Variants in KIF7 observed in about 807,000 individuals in gnomAD.
The protein encoded by KIF7 is kinesin family member 7, also known as kinesin-like protein KIF7.
In KIF7, 104 loss-of-function variants were observed where a neutral mutation model predicts 135.7. The ratio of observed to expected loss-of-function variants is 0.77; its 90% CI spans 0.65 to 0.90. KIF7 has a LOEUF of 0.90. KIF7 is among the 40% of genes least tolerant of loss of function. The pLI is 0.00. For missense variants in KIF7, 2,005 were observed against 1,839.1 expected (o/e 1.09, Z -1.65); for synonymous variants, 883 against 809.4 (o/e 1.09, Z -1.54).
At chr15:89,653,919 A>G (rs1964165352) in intron 1 of KIF7, among the ~76,000 whole-genome samples, 1 of 152,098 alleles carries the variant, frequency 6.6e-6, no homozygotes, top group African/African-American at 2.4e-5. Context: ...TGCAAATGCA[A>G]TTATTTCACT....
chr15:89,617,343 T>C (rs376473500), intron 2 of KIF7, among the ~76,000 whole-genome samples: 1 of 152,230 alleles, frequency 6.6e-6, no homozygotes, highest in African/African-American at 2.4e-5. Context: ...AAATTTTTTA[T>C]AACATCCTTG....
chr15:89,621,825 G>A (rs1963429817), intron 1 of KIF7, among the ~76,000 whole-genome samples: 1 of 152,036 alleles, frequency 6.6e-6, no homozygotes, highest in Non-Finnish European at 1.5e-5. Context: ...ATTATATACT[G>A]CACAGATACC....
downstream of KIF7, chr15:89,627,422 A>G (rs1165803582): frequency 1.4e-5 from 4 of 282,148 alleles, no homozygotes; most frequent in Admixed American, 9.5e-5. Context: ...TCATTTATGC[A>G]AATGGAGAAA....
At chr15:89,620,688 T>A (rs1963409215) in intron 1 of KIF7, among the ~76,000 whole-genome samples, 1 of 152,160 alleles carries the variant, frequency 6.6e-6, no homozygotes, top group Non-Finnish European at 1.5e-5. Flanking sequence ...TTCTTTCTTT[T>A]ATGAACTGGC....
intron 12 of KIF7, 150 bp from the exon 13 acceptor site, chr15:89,633,416 G>A (rs933071624): frequency 1.0e-5 from 11 of 1,104,686 alleles, no homozygotes; most frequent in Non-Finnish European, 1.4e-5. Context: ...AAATCTCCCT[G>A]GAGACCGGCA....
chr15:89,649,326 C>G lies in KIF7; in HGVS notation c.571G>C (p.Glu191Gln). The change falls in exon 4 of 19, where the codon GAG (glutamate) becomes CAG (glutamine). Residue 191 changes from glutamate (E) to glutamine (Q), a missense_variant. Glu to Gln is a conservative substitution (Grantham distance 29). Transcript: ENST00000394412. ...CCCATCTCCAGGAGGCTCAGCACCTCATCCAGGCCCTCCACGTCGACCTCC... is the reference window on the plus strand; with the variant it reads ...CCCATCTCCAGGAGGCTCAGCACCTGATCCAGGCCCTCCACGTCGACCTCC... The part of the protein sequence containing the change: ...VKEVDVEGLD[E>Q]VLSLLEMGNA... The G allele has an allele frequency of 1.4e-6, 2 of 1,472,288 alleles. No homozygotes were observed. Among genetic ancestry groups the G allele is most frequent in the Non-Finnish European group, 1.8e-6 (2 of 1,106,994 alleles). 91.2% of individuals were successfully genotyped at this position (1,472,288 alleles called of 1,614,324 possible).
At position 89,633,754 on chromosome 15, in the gene KIF7, G is replaced by A. The variant is rs767869939; in HGVS notation, c.2524C>T (p.Leu842Phe). The change falls in exon 12 of 19, where the codon CTT becomes TTT. Residue 842 changes from leucine (L) to phenylalanine (F), a missense_variant. Transcript: ENST00000394412. ...RQQQGQLQRR[L>F]REETEQKRRL... is the part of the protein sequence containing the mutation. ...CGCTTCTGCTCCGTCTCCTCGCGAA[G>A]CCGCCTCTGCAGCTGTCCCTGCTGC... 1 of 1,610,070 alleles carries A rather than the reference G, an allele frequency of 6.2e-7. No homozygotes were observed. Among genetic ancestry groups the A allele is most frequent in the Non-Finnish European group, 8.5e-7 (1 of 1,179,946 alleles).
chr15:89,630,630 C>T (rs1173302415), intron 15 of KIF7, 137 bp from the exon 16 acceptor site: 6 of 732,798 alleles, frequency 8.2e-6, no homozygotes, highest in East Asian at 5.4e-5. Context: ...GTCAGCCCAT[C>T]GAGAGAGGTG....
chr15:89,623,823 A>G, downstream of KIF7: 5 of 1,613,966 alleles, frequency 3.1e-6, no homozygotes, highest in Non-Finnish European at 4.2e-6. Context: ...CATTGGATTC[A>G]AAAATCACTC....
At chr15:89,618,410 A>G (rs775251584) in intron 1 of KIF7, among the ~76,000 whole-genome samples, 1 of 152,202 alleles carries the variant, frequency 6.6e-6, no homozygotes, top group Non-Finnish European at 1.5e-5. Context: ...GAAAAGAAAT[A>G]TTTTTGCACA....
In KIF7 at chr15:89,631,583, T is replaced by C. The variant is rs769931246; in HGVS notation, c.3023A>G (p.Asp1008Gly). The C allele has an allele frequency of 1.1e-5, 17 of 1,566,336 alleles. 1 individual carries two copies. In the East Asian group the frequency reaches 3.6e-4, roughly 33 times the overall value. ...CGAGTCCTTCTCCTGGCGCAGGCTGTCGATCTCCCCGCGGATCTGCTGCTG... is the reference window on the plus strand; with the variant it reads ...CGAGTCCTTCTCCTGGCGCAGGCTGCCGATCTCCCCGCGGATCTGCTGCTG... ...QSQQQIRGEI[D>G]SLRQEKDSLL... is the part of the protein sequence containing the mutation. Residue 1008 changes from aspartate to glycine, a missense_variant, in exon 15 of 19, where the codon GAC becomes GGC. Physicochemically the swap from Asp to Gly is moderately conservative, Grantham distance 94. Coordinates refer to ENST00000394412, the MANE Select transcript of KIF7 (RefSeq NM_198525.3).
downstream of KIF7, chr15:89,627,136 T>C: frequency 6.2e-7 from 1 of 1,607,432 alleles, no homozygotes. Context: ...CAGGACCCTG[T>C]GGACATAAAG....
chr15:89,662,708 C>T, the KIF7 span, among the ~76,000 whole-genome samples: 4 of 152,120 alleles, frequency 2.6e-5, no homozygotes, highest in South Asian at 8.3e-4. Context: ...ACTGAAGATA[C>T]TGAGTATGGG....
At chr15:89,634,661 G>A (rs545519001) in intron 11 of KIF7, among the ~76,000 whole-genome samples, 107 of 152,354 alleles carry the variant, frequency 7.0e-4, no homozygotes, top group African/African-American at 2.3e-3. Context: ...TCCCGCACAT[G>A]GCTCAGAGGG....
Position 89,628,475 on chromosome 15 carries a change from G to A in KIF7, c.3976C>T (p.Arg1326Trp), listed in dbSNP as rs372979006. 3.1e-5 allele frequency: 50 copies of A among 1,610,946 alleles called. No homozygotes were observed. The highest frequency in any genetic ancestry group is 1.7e-4 in the African/African-American group (13 of 74,882). ...WNFGPLSKPRRELRRASPGMI... is the reference protein window; with the variant it reads ...WNFGPLSKPRWELRRASPGMI... ...CCCGGGCTGGCTCGTCGCAGTTCCC[G>A]CCGGGGCTTGGACAAAGGCCCAAAG... The change falls in exon 19 of 19, where the codon CGG becomes TGG. Residue 1326 changes from arginine (R) to tryptophan (W), a missense_variant. Transcript: ENST00000394412.
chr15:89,625,351 A>G (rs1567053894), downstream of KIF7: 1 of 1,613,966 alleles, frequency 6.2e-7, no homozygotes, highest in African/African-American at 1.3e-5. Flanking sequence ...AACTCCAGAC[A>G]TAATTAAAGA....
At chr15:89,622,714 C>T (rs1830804139) in intron 1 of KIF7, among the ~76,000 whole-genome samples, 1 of 152,210 alleles carries the variant, frequency 6.6e-6, no homozygotes, top group Admixed American at 6.5e-5. Flanking sequence ...CTCCACCTCC[C>T]CAGCAACATC....
intron 14 of KIF7, 102 bp downstream of exon 14, chr15:89,632,718 G>GAC: frequency 3.9e-6 from 5 of 1,295,638 alleles, no homozygotes; most frequent in Non-Finnish European, 5.4e-6. Flanking sequence ...ACCTCACCTG[G>GAC]CAGAAACTTA....
At chr15:89,625,227 G>C, downstream of KIF7, 1 of 1,613,626 alleles carries the variant, frequency 6.2e-7, no homozygotes, top group Non-Finnish European at 8.5e-7. Context: ...AGAGCAGGGG[G>C]CAAACCTACA....
Sources: allele counts gnomAD v4.1 joint callset (sites outside exome capture counted in the v4.1 genomes callset), GRCh38; gene constraint gnomAD v4.1.1; transcripts MANE v1.5; gene names NCBI Gene and HGNC (gene_info 2026-07-23, HGNC 2026-07-21).